The following PDZD8 variants were observed in gnomAD, a reference collection of about 807,000 sequenced individuals.
The protein encoded by PDZD8 is PDZ domain containing 8, also known as PDZ domain-containing protein 8.
A neutral mutation model predicts 85.8 loss-of-function variants in PDZD8; 14 were observed. The observed-to-expected ratio is 0.16, with a 90% CI of 0.11 to 0.26. The LOEUF (loss-of-function observed/expected upper bound fraction) is 0.26. Ranked by LOEUF, PDZD8 falls within the 10% of genes least tolerant of loss-of-function variation. PDZD8 has a pLI of 1.00. For missense variants in PDZD8, 1,197 were observed against 1,424.3 expected, an observed-to-expected ratio of 0.84 and a Z score of 2.57; for synonymous variants, 592 against 568.6, an observed-to-expected ratio of 1.04 and a Z score of -0.59.
intron 2 of PDZD8, among the ~76,000 whole-genome samples, chr10:117,327,762 T>C (rs897100192): frequency 1.3e-5 from 2 of 152,230 alleles, no homozygotes; most frequent in Non-Finnish European, 2.9e-5. Context: ...GATGAAAATA[T>C]TTTGTCCAAT....
chr10:117,310,223 T>C (rs868795967), intron 3 of PDZD8, among the ~76,000 whole-genome samples: 3 of 152,164 alleles, frequency 2.0e-5, no homozygotes, highest in Admixed American at 6.6e-5. Context: ...ATACATACTA[T>C]GAGGTTTGGT....
intron 2 of PDZD8, among the ~76,000 whole-genome samples, chr10:117,340,374 G>A (rs148808646): frequency 2.6e-5 from 4 of 152,140 alleles, no homozygotes; most frequent in African/African-American, 7.2e-5. Context: ...ATATCTGATC[G>A]TCCTTTACCA....
rs1311657453 is a variant in PDZD8 at position 117,281,851 on chromosome 10, T to C, written c.*1417A>G. On this transcript the variant is annotated 3_prime_UTR_variant, in exon 5 of 5. Coordinates refer to ENST00000334464, the MANE Select transcript of PDZD8 (RefSeq NM_173791.5). ...CAATAAAAGCTGCTCCATCTAGTTTTAAACTCATGTCAGTTTCACTATATA... is the reference window on the plus strand; with the variant it reads ...CAATAAAAGCTGCTCCATCTAGTTTCAAACTCATGTCAGTTTCACTATATA... 2.0e-5 allele frequency: 3 copies of C among 152,196 alleles called. No individual in the cohort carries two copies. The East Asian group carries it at 5.8e-4, about 29-fold the overall frequency. The allele number at this position is 152,196 out of a possible 1,614,324, so 9.4% of individuals were successfully genotyped here.
rs144665491 is a variant in PDZD8, at chr10:117,284,731, G to A, written c.2002C>T (p.Pro668Ser). 6,672 of 1,614,156 alleles carry A rather than the reference G, an allele frequency of 4.1e-3. 15 individuals carry two copies. Among genetic ancestry groups the A allele is most frequent in the Non-Finnish European group, 5.1e-3 (5,969 of 1,180,024 alleles). ...CGGTCGTCCGAACTGTCCTTAGTAG[G>A]GCAGGAAGTTTCTGAAGTGACATCT... is the stretch of plus-strand genomic sequence containing the variant. The part of the protein sequence containing the change: ...AKDVTSETSC[P>S]TKDSSDDRQT... The change falls in exon 5 of 5, where the codon CCT becomes TCT. Residue 668 changes from proline to serine, a missense_variant. Transcript: ENST00000334464.
At chr10:117,290,418 C>T (rs948508166) in intron 3 of PDZD8, 70 bp from the exon 4 acceptor site, 59 of 1,243,524 alleles carry the variant, frequency 4.7e-5, no homozygotes, top group Non-Finnish European at 3.8e-5. Context: ...AAAACAGTAA[C>T]AGACTGTTAT....
chr10:117,355,313 C>T (rs1315890538), intron 1 of PDZD8, among the ~76,000 whole-genome samples: 1 of 152,124 alleles, frequency 6.6e-6, no homozygotes, highest in Non-Finnish European at 1.5e-5. Flanking sequence ...CTCTCCTCTA[C>T]CATCTGGTAA....
chr10:117,283,993 A>G lies in PDZD8; in HGVS notation c.2740T>C (p.Leu914=). 1 of 1,614,214 alleles carries G rather than the reference A, an allele frequency of 6.2e-7. No homozygotes were observed. ...NLRLEGQETL[L]GLPPRVDAEA... ...GCATCAACACGAGGAGGCAGGCCTAAGAGGGTTTCCTGTCCTTCCAGCCTA... is the reference window on the plus strand; with the variant it reads ...GCATCAACACGAGGAGGCAGGCCTAGGAGGGTTTCCTGTCCTTCCAGCCTA... Residue 914 remains leucine, a synonymous_variant, in exon 5 of 5, where the codon TTA becomes CTA. Coordinates refer to ENST00000334464, the MANE Select transcript of PDZD8 (RefSeq NM_173791.5).
intron 3 of PDZD8, among the ~76,000 whole-genome samples, chr10:117,297,832 C>T (rs1843781669): frequency 6.6e-6 from 1 of 152,106 alleles, no homozygotes; most frequent in East Asian, 1.9e-4. Context: ...CCACACTGTA[C>T]CCTTAGTAAA....
At chr10:117,364,454 T>C (rs756085312) in intron 1 of PDZD8, among the ~76,000 whole-genome samples, 1 of 149,686 alleles carries the variant, frequency 6.7e-6, no homozygotes, top group African/African-American at 2.5e-5. Flanking sequence ...GGACAGTTTC[T>C]ATACGCACAC....
At position 117,283,774 on chromosome 10, in the gene PDZD8, G is replaced by A. The variant is rs779306617; in HGVS notation, c.2959C>T (p.Pro987Ser). ...TTTCCCCGTTTAGAAGGACTGTTTG[G>A]ACCACAGACCTCCGTGTCACTGCCT... The part of the protein sequence containing the change: ...NEGSDTEVCG[P>S]NSPSKRGNST... Residue 987 changes from proline to serine, a missense_variant, in exon 5 of 5, where the codon CCA becomes TCA. This residue lies in a region of PDZD8 where 418 missense variants were observed against 571.1 expected (regional missense o/e 0.73). Coordinates refer to ENST00000334464, the MANE Select transcript of PDZD8 (RefSeq NM_173791.5). 1 of 1,614,166 alleles carries A rather than the reference G, an allele frequency of 6.2e-7. No homozygotes were observed. The highest frequency in any genetic ancestry group is 8.5e-7 in the Non-Finnish European group (1 of 1,180,036).
At chr10:117,320,274 A>C (rs939895745) in intron 2 of PDZD8, among the ~76,000 whole-genome samples, 6 of 152,112 alleles carry the variant, frequency 3.9e-5, no homozygotes, top group Admixed American at 6.6e-5. Flanking sequence ...ACCTGTTCAA[A>C]GAGTAAACTA....
chr10:117,292,910 T>G (rs553925484), intron 3 of PDZD8, among the ~76,000 whole-genome samples: 6 of 152,118 alleles, frequency 3.9e-5, no homozygotes, highest in South Asian at 2.1e-4. Context: ...CATAAGACAC[T>G]GTTTCTTTTA....
intron 2 of PDZD8, among the ~76,000 whole-genome samples, chr10:117,321,060 T>C (rs1481121255): frequency 6.6e-6 from 1 of 152,158 alleles, no homozygotes; most frequent in Non-Finnish European, 1.5e-5. Flanking sequence ...TGTAAAATGA[T>C]ATAGTCACTT....
At chr10:117,308,971 C>G (rs1281680461) in intron 3 of PDZD8, among the ~76,000 whole-genome samples, 1 of 152,102 alleles carries the variant, frequency 6.6e-6, no homozygotes, top group African/African-American at 2.4e-5. Context: ...ACTGCCAGAT[C>G]TCCCAAAACA....
chr10:117,336,720 A>C (rs982937024), intron 2 of PDZD8, among the ~76,000 whole-genome samples: 15 of 152,116 alleles, frequency 9.9e-5, no homozygotes, highest in African/African-American at 3.6e-4. Flanking sequence ...ATCTGAGACA[A>C]TTTAGACACC....
In PDZD8 at chr10:117,375,159, G is replaced by A. The variant is rs1315313127; in HGVS notation, c.69C>T (p.Phe23=). 2.5e-6 allele frequency: 4 copies of A among 1,587,286 alleles called. No individual in the cohort carries two copies. The highest frequency in any genetic ancestry group is 1.1e-5 in the South Asian group (1 of 89,132). The part of the protein sequence containing the change: ...LGSFLTLLAQ[F]FLLYRRQPEP... ...CGGGCTGTCTGCGGTACAGCAGGAA[G>A]AACTGGGCGAGGAGCGTGAGGAAGG... The change falls in exon 1 of 5, where the codon TTC becomes TTT. Residue 23 remains phenylalanine (F), a synonymous_variant. Coordinates refer to ENST00000334464, the MANE Select transcript of PDZD8 (RefSeq NM_173791.5).
chr10:117,357,766 C>CAAAAAAAAAA (rs767138640), intron 1 of PDZD8, among the ~76,000 whole-genome samples: 4 of 47,470 alleles, frequency 8.4e-5, no homozygotes, highest in African/African-American at 2.8e-4. Context: ...ACTTCATCTC[C>CAAAAAAAAAA]AAAAAAAAAA....
chr10:117,359,141 G>A (rs968099632), intron 1 of PDZD8, among the ~76,000 whole-genome samples: 7 of 152,148 alleles, frequency 4.6e-5, no homozygotes, highest in Non-Finnish European at 1.0e-4. Context: ...AGGGCCAGGC[G>A]TGGTGGCTGA....
chr10:117,308,277 C>T (rs1843977640), intron 3 of PDZD8, among the ~76,000 whole-genome samples: 1 of 152,020 alleles, frequency 6.6e-6, no homozygotes, highest in South Asian at 2.1e-4. Context: ...AACAACAATA[C>T]CACTATCTCA....
Sources: gnomAD v4.1 joint callset for allele counts (sites outside exome capture counted in the v4.1 genomes callset) on GRCh38, gnomAD v4.1.1 for gene constraint, gnomAD v4.1.1 regional missense constraint, MANE v1.5 for transcripts, NCBI Gene and HGNC (gene_info 2026-07-23, HGNC 2026-07-21) for gene names.